The following CNTNAP2 variants were observed in gnomAD, a reference collection of about 807,000 sequenced individuals.
CNTNAP2 encodes the protein contactin-associated protein-like 2.
Under a neutral mutation model 155.2 loss-of-function variants are expected in CNTNAP2, and 98 were observed. The ratio of observed to expected loss-of-function variants is 0.63; its 90% CI spans 0.54 to 0.75. CNTNAP2 has a LOEUF of 0.75. CNTNAP2 is among the 30% of genes least tolerant of loss of function. The pLI is 0.00. For synonymous variants in CNTNAP2, 651 were observed against 631.2 expected, an observed-to-expected ratio of 1.03 and a Z score of -0.47; for missense variants, 1,727 against 1,688.1, an observed-to-expected ratio of 1.02 and a Z score of -0.40.
intron 1 of CNTNAP2, among the ~76,000 whole-genome samples, chr7:146,462,464 C>G (rs1796650994): frequency 6.6e-6 from 1 of 152,184 alleles, no homozygotes; most frequent in Non-Finnish European, 1.5e-5. Flanking sequence ...TGATTATTAT[C>G]CAGACACTGT....
At chr7:146,521,372 T>C (rs906914118) in intron 1 of CNTNAP2, among the ~76,000 whole-genome samples, 7 of 152,016 alleles carry the variant, frequency 4.6e-5, no homozygotes, top group Non-Finnish European at 7.4e-5. Context: ...GTTTATAGCA[T>C]AATCTTTGAG....
intron 10 of CNTNAP2, among the ~76,000 whole-genome samples, chr7:147,445,322 CAGTG>C (rs1378984227): frequency 1.3e-5 from 2 of 152,198 alleles, no homozygotes; most frequent in Non-Finnish European, 2.9e-5. Context: ...TCCTATGAAA[CAGTG>C]AGACAATAAT....
chr7:148,301,509 C>T (rs1797391844), intron 21 of CNTNAP2, among the ~76,000 whole-genome samples: 1 of 152,008 alleles, frequency 6.6e-6, no homozygotes, highest in Non-Finnish European at 1.5e-5. Context: ...CCTCTGTCCT[C>T]ATGGGGTTTA....
intron 13 of CNTNAP2, among the ~76,000 whole-genome samples, chr7:147,802,761 C>CCG (rs1185760822): frequency 1.0e-5 from 1 of 99,494 alleles, no homozygotes; most frequent in Non-Finnish European, 1.9e-5. Context: ...CAGAGGGAGA[C>CCG]TGTGGAAAGG....
chr7:146,357,712 T>A lies in CNTNAP2; in HGVS notation c.97+240739T>A, dbSNP rs546775326. 2.6e-5 allele frequency among the ~76,000 whole-genome samples: 4 copies of A among 152,264 alleles called. No individual in the cohort carries two copies. In the East Asian group the frequency reaches 7.7e-4, roughly 29 times the overall value. ...AGGCTCTGATAAATAATATGTTATATCTTATAGGTAAGATACACTGTTACA... is the reference window on the plus strand; with the variant it reads ...AGGCTCTGATAAATAATATGTTATAACTTATAGGTAAGATACACTGTTACA... On this transcript the variant is annotated intron_variant, in intron 1 of 23. Coordinates refer to ENST00000361727, the MANE Select transcript of CNTNAP2 (RefSeq NM_014141.6).
At chr7:148,022,549 A>C (rs896276938) in intron 15 of CNTNAP2, among the ~76,000 whole-genome samples, 51 of 151,916 alleles carry the variant, frequency 3.4e-4, no homozygotes, top group African/African-American at 1.2e-3. Flanking sequence ...AATAAGTAAT[A>C]GTCTTAGTGA....
chr7:148,070,857 G>A (rs1803368343), intron 15 of CNTNAP2, among the ~76,000 whole-genome samples: 1 of 152,076 alleles, frequency 6.6e-6, no homozygotes, highest in Non-Finnish European at 1.5e-5. Context: ...TCTTATTTCT[G>A]AGCAATATCA....
At chr7:146,681,116 G>C (rs1041707757) in intron 1 of CNTNAP2, among the ~76,000 whole-genome samples, 1 of 151,848 alleles carries the variant, frequency 6.6e-6, no homozygotes, top group African/African-American at 2.4e-5. Flanking sequence ...AAGTGCGGAG[G>C]ATCAGTGTTG....
intron 1 of CNTNAP2, among the ~76,000 whole-genome samples, chr7:146,222,409 G>A (rs1799220500): frequency 6.6e-6 from 1 of 152,172 alleles, no homozygotes; most frequent in Non-Finnish European, 1.5e-5. Context: ...GAACACTTAA[G>A]AGAAAATCAA....
At chr7:148,248,574 G>A (rs528767827) in intron 20 of CNTNAP2, among the ~76,000 whole-genome samples, 12 of 152,050 alleles carry the variant, frequency 7.9e-5, no homozygotes, top group Non-Finnish European at 1.2e-4. Context: ...TCTTCTTGTC[G>A]TGTGTATCTG....
At chr7:147,008,931 G>C (rs187071182) in intron 3 of CNTNAP2, among the ~76,000 whole-genome samples, 8 of 151,750 alleles carry the variant, frequency 5.3e-5, no homozygotes, top group Admixed American at 4.6e-4. Flanking sequence ...AGGTAGATAG[G>C]GGGAGGGCAG....
At chr7:147,400,564 G>C (rs1796895332) in intron 10 of CNTNAP2, among the ~76,000 whole-genome samples, 2 of 152,130 alleles carry the variant, frequency 1.3e-5, no homozygotes, top group African/African-American at 2.4e-5. Flanking sequence ...TTTTGCAACT[G>C]TGGTTTCTGT....
rs117198411 is a variant in CNTNAP2 at position 146,329,226 on chromosome 7, C to T, written c.97+212253C>T. Among the ~76,000 whole-genome samples the T allele has an allele frequency of 1.4e-3, 220 of 152,240 alleles. 2 individuals carry two copies. Among genetic ancestry groups the T allele is most frequent in the South Asian group, 0.014 (68 of 4,830 alleles). Reference sequence around the variant, plus strand: ...TCTATCACATTGTCATTTGGATTTGCGTTTCCCTGATGATTAATAACAAGA... The same window carrying T: ...TCTATCACATTGTCATTTGGATTTGTGTTTCCCTGATGATTAATAACAAGA... On this transcript the variant is annotated intron_variant, in intron 1 of 23. Coordinates refer to ENST00000361727, the MANE Select transcript of CNTNAP2 (RefSeq NM_014141.6).
intron 15 of CNTNAP2, among the ~76,000 whole-genome samples, chr7:148,092,846 G>T (rs1187283729): frequency 2.0e-5 from 3 of 148,916 alleles, no homozygotes; most frequent in East Asian, 2.0e-4. Flanking sequence ...ATGCAAAGAG[G>T]GTTGCAAAGA....
At chr7:148,083,492 G>C (rs1803656372) in intron 15 of CNTNAP2, among the ~76,000 whole-genome samples, 1 of 152,150 alleles carries the variant, frequency 6.6e-6, no homozygotes, top group African/African-American at 2.4e-5. Context: ...GGAAGAGAAG[G>C]TGACTGAAAC....
intron 1 of CNTNAP2, among the ~76,000 whole-genome samples, chr7:146,645,383 C>T (rs960006084): frequency 1.3e-5 from 2 of 152,122 alleles, no homozygotes; most frequent in Admixed American, 1.3e-4. Flanking sequence ...CATATAATAA[C>T]CTCGATTCTC....
At chr7:147,108,465 C>A in intron 5 of CNTNAP2, 115 bp downstream of exon 5, 2 of 897,206 alleles carry the variant, frequency 2.2e-6, no homozygotes, top group South Asian at 1.8e-5. Context: ...TGTTATATTT[C>A]AATTCATACT....
chr7:146,621,162 CAT>C (rs1799310582), intron 1 of CNTNAP2, among the ~76,000 whole-genome samples: 4 of 152,144 alleles, frequency 2.6e-5, no homozygotes, highest in Non-Finnish European at 4.4e-5. Flanking sequence ...TATATGCTAA[CAT>C]AAGGTCTTGC....
At chr7:147,434,921 T>C (rs942357953) in intron 10 of CNTNAP2, among the ~76,000 whole-genome samples, 1 of 152,190 alleles carries the variant, frequency 6.6e-6, no homozygotes, top group Non-Finnish European at 1.5e-5. Context: ...CCACACATCA[T>C]CTTTTGTCTT....
Sources: gnomAD v4.1 joint callset for allele counts (sites outside exome capture counted in the v4.1 genomes callset) on GRCh38, gnomAD v4.1.1 for gene constraint, MANE v1.5 for transcripts, NCBI Gene and HGNC (gene_info 2026-07-23, HGNC 2026-07-21) for gene names.